Variants in ATP1A4 observed in about 807,000 individuals in gnomAD.
ATP1A4 encodes the protein sodium/potassium-transporting ATPase subunit alpha-4.
Under a neutral mutation model 114.3 loss-of-function variants are expected in ATP1A4, and 90 were observed. The observed-to-expected ratio is 0.79, with a 90% CI of 0.66 to 0.94. The LOEUF is 0.94. Ranked by LOEUF, ATP1A4 falls within the 40% of genes least tolerant of loss-of-function variation. The pLI, the probability that ATP1A4 is intolerant of heterozygous loss-of-function variation, is 0.00. For missense variants in ATP1A4, 1,222 were observed against 1,313.6 expected (o/e 0.93, Z 1.08); for synonymous variants, 511 against 494.1 (o/e 1.03, Z -0.45).
intron 10 of ATP1A4, among the ~76,000 whole-genome samples, chr1:160,168,591 C>T (rs1044935024): frequency 1.1e-4 from 16 of 152,022 alleles, no homozygotes; most frequent in African/African-American, 3.4e-4. Context: ...ACCATGTTGG[C>T]TATGCTGGTC....
At chr1:160,168,541 C>T (rs1274289635) in intron 10 of ATP1A4, among the ~76,000 whole-genome samples, 1 of 152,060 alleles carries the variant, frequency 6.6e-6, no homozygotes, top group Admixed American at 6.5e-5. Flanking sequence ...TGCCACCACG[C>T]CCGGCTAATT....
intron 17 of ATP1A4, 104 bp from the exon 18 acceptor site, chr1:160,177,415 A>T: frequency 8.0e-7 from 1 of 1,256,524 alleles, no homozygotes; most frequent in Non-Finnish European, 1.1e-6. Context: ...GACACACACC[A>T]GCCCAGCCAG....
intron 14 of ATP1A4, 86 bp downstream of exon 14, chr1:160,174,347 C>T: frequency 2.5e-6 from 4 of 1,573,430 alleles, no homozygotes; most frequent in Non-Finnish European, 3.5e-6. Context: ...AACATGTGGG[C>T]TGGGCTAGAG....
Position 160,159,432 on chromosome 1 carries a change from G to T in ATP1A4, c.684G>T (p.Gly228=). The change falls in exon 6 of 22, where the codon GGG becomes GGT. Residue 228 remains glycine, a synonymous_variant. Transcript: ENST00000368081. ...AGGTGGACAACTCATCCTTGACTGG[G>T]GAGTCAGAACCCCAGAGCCGCTCCC... The part of the protein sequence containing the change: ...GCKVDNSSLT[G]ESEPQSRSPD... 6.2e-7 allele frequency: 1 copy of T among 1,613,458 alleles called. No homozygotes were observed. Among genetic ancestry groups the T allele is most frequent in the Non-Finnish European group, 8.5e-7 (1 of 1,179,764 alleles).
At chr1:160,177,413 C>T in intron 17 of ATP1A4, 106 bp from the exon 18 acceptor site, 3 of 1,239,436 alleles carry the variant, frequency 2.4e-6, no homozygotes, top group Non-Finnish European at 2.3e-6. Context: ...CAGACACACA[C>T]CAGCCCAGCC....
intron 4 of ATP1A4, among the ~76,000 whole-genome samples, chr1:160,158,118 A>G (rs1321747994): frequency 6.6e-6 from 1 of 152,212 alleles, no homozygotes; most frequent in Non-Finnish European, 1.5e-5. Flanking sequence ...GCTACCTAAC[A>G]AACTACCCTA....
Position 160,152,019 on chromosome 1 carries a change from G to A in ATP1A4, c.-22G>A, listed in dbSNP as rs752669899. The A allele has an allele frequency of 3.1e-6, 5 of 1,604,800 alleles. No individual in the cohort carries two copies. The highest frequency in any genetic ancestry group is 4.3e-6 in the Non-Finnish European group (5 of 1,175,984). On this transcript the variant is annotated 5_prime_UTR_variant, in exon 1 of 22. Transcript: ENST00000368081. The stretch of plus-strand genomic sequence containing the variant: ...GCTTTCTTCCCACAGTTGAGCTCGG[G>A]CAGCTCTTTCTGGGGATAGCTATGG...
At position 160,174,251 on chromosome 1, in the gene ATP1A4, G is replaced by A. The variant is rs749734131; in HGVS notation, c.2132G>A (p.Cys711Tyr). Residue 711 changes from cysteine (C) to tyrosine (Y), a missense_variant, in exon 14 of 22, where the codon TGT becomes TAT. Cys to Tyr is a radical substitution (Grantham distance 194, BLOSUM62 -2). Coordinates refer to ENST00000368081, the MANE Select transcript of ATP1A4 (RefSeq NM_144699.4). The part of the protein sequence containing the change: ...PQQKLIIVEG[C>Y]QRLGAVVAVT... ...CAGAAGCTCATCATTGTCGAGGGAT[G>A]TCAGAGGCTGGTAAGGAACGAAAAG... 11 of 1,614,008 alleles carry A rather than the reference G, an allele frequency of 6.8e-6. No individual in the cohort carries two copies. The highest frequency in any genetic ancestry group is 8.5e-6 in the Non-Finnish European group (10 of 1,180,036).
intron 9 of ATP1A4, 99 bp downstream of exon 9, chr1:160,167,176 T>G: frequency 6.4e-7 from 1 of 1,562,596 alleles, no homozygotes; most frequent in Non-Finnish European, 8.8e-7. Flanking sequence ...TCCCCCCAGG[T>G]ACCCGCCCTC....
intron 13 of ATP1A4, 87 bp from the exon 14 acceptor site, chr1:160,174,024 C>A: frequency 6.8e-7 from 1 of 1,470,220 alleles, no homozygotes; most frequent in Non-Finnish European, 9.3e-7. Flanking sequence ...AAAGAAGAAG[C>A]AATGAAGCTA....
intron 7 of ATP1A4, among the ~76,000 whole-genome samples, chr1:160,166,106 C>T (rs372596329): frequency 6.6e-6 from 1 of 152,110 alleles, no homozygotes; most frequent in South Asian, 2.1e-4. Context: ...CCTGTCTCTA[C>T]TAAAAATACA....
chr1:160,181,840 C>T, intron 19 of ATP1A4, 26 bp downstream of exon 19: 1 of 1,608,028 alleles, frequency 6.2e-7, no homozygotes, highest in South Asian at 1.1e-5. Flanking sequence ...AACAGCCCAG[C>T]ACTCTCCCAA....
chr1:160,162,591 C>T (rs947699431), intron 6 of ATP1A4, among the ~76,000 whole-genome samples: 3 of 152,174 alleles, frequency 2.0e-5, no homozygotes, highest in Non-Finnish European at 4.4e-5. Context: ...CTGTCTTGTG[C>T]GTGGCAGGAT....
chr1:160,177,963 C>T (rs1327021369), intron 18 of ATP1A4, among the ~76,000 whole-genome samples: 3 of 152,178 alleles, frequency 2.0e-5, no homozygotes, highest in East Asian at 1.9e-4. Flanking sequence ...TTTTCTGAGC[C>T]GGTTTCTCTT....
Position 160,156,081 on chromosome 1 carries a change from G to A in ATP1A4, c.448G>A (p.Val150Ile), listed in dbSNP as rs61734683. ...CATCGTACTGTCCGTCGTGGTCATC[G>A]TCACTGGCTGCTTCTCCTATTATCA... ...LSIVLSVVVIVTGCFSYYQEA... is the reference protein window; with the variant it reads ...LSIVLSVVVIITGCFSYYQEA... Residue 150 changes from valine (V) to isoleucine (I), a missense_variant, in exon 4 of 22, where the codon GTC becomes ATC. Val to Ile is a conservative substitution (Grantham distance 29, BLOSUM62 3). Transcript: ENST00000368081. 1.7e-3 allele frequency: 2,743 copies of A among 1,613,944 alleles called. 48 individuals carry two copies. The African/African-American group carries it at 0.031, about 18-fold the overall frequency.
Position 160,151,953 on chromosome 1 carries a change from GC to G in ATP1A4, c.-85del, listed in dbSNP as rs1023789615. The stretch of plus-strand genomic sequence containing the variant: ...ACCACTCTCTTCTCGTGGCCCCCTT[GC>G]CCGCGCGCCCTCTTCCCTTCCCCTT... On this transcript the variant is annotated 5_prime_UTR_variant, in exon 1 of 22. Transcript: ENST00000368081. The G allele has an allele frequency of 6.8e-7, 1 of 1,472,906 alleles. No individual in the cohort carries two copies. Among genetic ancestry groups the G allele is most frequent in the African/African-American group, 1.4e-5 (1 of 70,904 alleles). The allele number at this position is 1,472,906 out of a possible 1,614,324, so 91.2% of individuals were successfully genotyped here.
intron 10 of ATP1A4, among the ~76,000 whole-genome samples, chr1:160,169,236 G>A (rs759773384): frequency 8.5e-5 from 13 of 152,194 alleles, no homozygotes; most frequent in Non-Finnish European, 1.6e-4. Flanking sequence ...GACTGCTGGC[G>A]GTTTGCAGAG....
intron 16 of ATP1A4, 114 bp downstream of exon 16, chr1:160,176,360 C>A: frequency 6.3e-7 from 1 of 1,583,098 alleles, no homozygotes; most frequent in Admixed American, 1.7e-5. Flanking sequence ...TGATCCAGCT[C>A]TCGCACCTCC....
chr1:160,173,483 TG>T, intron 12 of ATP1A4, 97 bp from the exon 13 acceptor site: 1 of 1,507,040 alleles, frequency 6.6e-7, no homozygotes, highest in Non-Finnish European at 9.0e-7. Context: ...AAACCCTTGT[TG>T]AAAAAAGCAG....
Sources: allele counts gnomAD v4.1 joint callset (sites outside exome capture counted in the v4.1 genomes callset), GRCh38; gene constraint gnomAD v4.1.1; transcripts MANE v1.5; gene names NCBI Gene and HGNC (gene_info 2026-07-23, HGNC 2026-07-21).